The following RABEP1 variants were observed in gnomAD, a reference collection of about 807,000 sequenced individuals.
RABEP1 encodes rab GTPase-binding effector protein 1.
In RABEP1, 51 loss-of-function variants were observed where a neutral mutation model predicts 123.4. The ratio of observed to expected loss-of-function variants is 0.41; its 90% CI spans 0.33 to 0.52. RABEP1 has a LOEUF of 0.52. Among genes scored for constraint, RABEP1 ranks in the 20% least tolerant of loss-of-function variants. The pLI, the probability that RABEP1 is intolerant of heterozygous loss-of-function variation, is 0.16. For missense variants in RABEP1, 888 were observed against 996.3 expected (o/e 0.89, Z 1.46); for synonymous variants, 347 against 355.2 (o/e 0.98, Z 0.26).
intron 17 of RABEP1, among the ~76,000 whole-genome samples, chr17:5,381,955 C>A (rs1017789995): frequency 6.6e-6 from 1 of 152,134 alleles, no homozygotes. Flanking sequence ...TCTTCTAGGT[C>A]CCTGAGCTGG....
At position 5,337,296 on chromosome 17, in the gene RABEP1, G is replaced by A. The variant is rs373987022; in HGVS notation, c.529-723G>A. Among the ~76,000 whole-genome samples the A allele has an allele frequency of 6.6e-5, 10 of 152,224 alleles. No homozygotes were observed. The East Asian group carries it at 9.6e-4, about 15-fold the overall frequency. ...AATTTTCTAACATTTTAGAAAACAC[G>A]TTATTCTATTTTGGGTGTTTAAAAT... is the stretch of plus-strand genomic sequence containing the variant. On this transcript the variant is annotated intron_variant, in intron 4 of 17. Transcript: ENST00000537505.
At chr17:5,355,251 T>C (rs1056215568) in intron 8 of RABEP1, among the ~76,000 whole-genome samples, 1 of 152,252 alleles carries the variant, frequency 6.6e-6, no homozygotes, top group African/African-American at 2.4e-5. Flanking sequence ...ATTTTAGCCA[T>C]GTTGGTCATC....
At position 5,377,291 on chromosome 17, in the gene RABEP1, G is replaced by C. The variant is rs1911068524; in HGVS notation, c.2201G>C (p.Cys734Ser). The C allele has an allele frequency of 1.3e-6, 2 of 1,583,832 alleles. No individual in the cohort carries two copies. Among genetic ancestry groups the C allele is most frequent in the Non-Finnish European group, 1.7e-6 (2 of 1,172,450 alleles). Reference protein sequence around the residue: ...EETLQLEIENCKEEIASISSL... With the variant: ...EETLQLEIENSKEEIASISSL... ...ACTCTGCAACTAGAAATAGAAAACT[G>C]CAAGGAGGAAATAGGTGAAGATAAA... The change falls in exon 14 of 18, where the codon TGC (cysteine) becomes TCC (serine). Residue 734 changes from cysteine (C) to serine (S), a missense_variant. Transcript: ENST00000537505.
At chr17:5,296,345 C>A (rs1232426031) in intron 1 of RABEP1, among the ~76,000 whole-genome samples, 11 of 152,144 alleles carry the variant, frequency 7.2e-5, no homozygotes, top group African/African-American at 2.7e-4. Flanking sequence ...CTCACCACAA[C>A]CTCCGCCTCC....
At chr17:5,362,400 C>T (rs1432426456) in intron 9 of RABEP1, among the ~76,000 whole-genome samples, 1 of 152,176 alleles carries the variant, frequency 6.6e-6, no homozygotes, top group African/African-American at 2.4e-5. Flanking sequence ...ACTCCTGGTG[C>T]TTTCCTTGAC....
Position 5,354,364 on chromosome 17 carries a change from T to G in RABEP1, c.969T>G (p.Asp323Glu). ...TGTTTTTTTCTTCCTTTTAGGAGGATGATGAACAACAAAGACTCAATAAGA... is the reference window on the plus strand; with the variant it reads ...TGTTTTTTTCTTCCTTTTAGGAGGAGGATGAACAACAAAGACTCAATAAGA... The part of the protein sequence containing the change: ...VEELKKKDQE[D>E]DEQQRLNKRK... The change falls in exon 8 of 18, where the codon GAT becomes GAG. Residue 323 changes from aspartate (D) to glutamate (E), a missense_variant. Transcript: ENST00000537505. 6.2e-7 allele frequency: 1 copy of G among 1,609,014 alleles called. No individual in the cohort carries two copies.
intron 14 of RABEP1, among the ~76,000 whole-genome samples, chr17:5,377,520 A>ATTT (rs960634048): frequency 0.072 from 7,199 of 99,512 alleles, 294 homozygotes; most frequent in Middle Eastern, 0.096. Flanking sequence ...TATTTAAAAA[A>ATTT]TTTTTTTTTT....
At chr17:5,366,825 C>T (rs566252100) in intron 11 of RABEP1, among the ~76,000 whole-genome samples, 16 of 151,866 alleles carry the variant, frequency 1.1e-4, no homozygotes, top group Admixed American at 4.6e-4. Context: ...CACGGTGGCT[C>T]ACACCTGTAA....
At chr17:5,372,036 T>C (rs1910563522) in intron 12 of RABEP1, among the ~76,000 whole-genome samples, 1 of 152,104 alleles carries the variant, frequency 6.6e-6, no homozygotes, top group South Asian at 2.1e-4. Flanking sequence ...TTTGTAGAGC[T>C]TTATCTGATA....
rs1368663512 is a variant in RABEP1 at position 5,354,382 on chromosome 17, CAAT to C, written c.990_992del (p.Asn330del). ...AGGAGGATGATGAACAACAAAGACTCAATAAGAGAAAGGATCACAAAAAAGCAG... is the reference window on the plus strand; with the variant it reads ...AGGAGGATGATGAACAACAAAGACTCAAGAGAAAGGATCACAAAAAAGCAG... On this transcript the variant is annotated inframe_deletion, in exon 8 of 18. Transcript: ENST00000537505. 10 of 1,611,972 alleles carry C rather than the reference CAAT, an allele frequency of 6.2e-6. No homozygotes were observed. The African/African-American group carries it at 6.7e-5, about 11-fold the overall frequency.
intron 4 of RABEP1, among the ~76,000 whole-genome samples, chr17:5,337,347 A>G (rs1907190982): frequency 6.6e-6 from 1 of 152,160 alleles, no homozygotes; most frequent in Non-Finnish European, 1.5e-5. Context: ...ATTATTCATA[A>G]GAAATTATTG....
intron 7 of RABEP1, among the ~76,000 whole-genome samples, chr17:5,352,652 G>A (rs565690018): frequency 2.0e-5 from 3 of 151,870 alleles, no homozygotes; most frequent in South Asian, 2.1e-4. Flanking sequence ...TCAACTTGGC[G>A]GAACCCCACC....
At chr17:5,317,120 C>T (rs116183513) in intron 2 of RABEP1, among the ~76,000 whole-genome samples, 3,285 of 152,072 alleles carry the variant, frequency 0.022, 118 homozygotes, top group African/African-American at 0.075. Context: ...TAGTGTTATC[C>T]TGACCTCAAA....
At chr17:5,372,917 C>G (rs1910636193) in intron 12 of RABEP1, among the ~76,000 whole-genome samples, 1 of 152,120 alleles carries the variant, frequency 6.6e-6, no homozygotes, top group South Asian at 2.1e-4. Flanking sequence ...CCCGCTGTAC[C>G]CAGCTAACTT....
rs1911078781 is a variant in RABEP1, at chr17:5,377,370, A to G, written c.2215+65A>G. On this transcript the variant is annotated intron_variant, in intron 14 of 17. Transcript: ENST00000537505. ...AAATAAAACTTTAGTAAAAGAAGCAATACATGGCCATGGAGTCTGGAACAC... is the reference window on the plus strand; with the variant it reads ...AAATAAAACTTTAGTAAAAGAAGCAGTACATGGCCATGGAGTCTGGAACAC... 2.3e-6 allele frequency: 3 copies of G among 1,299,810 alleles called. No individual in the cohort carries two copies. The East Asian group carries it at 7.3e-5, about 32-fold the overall frequency. 80.5% of individuals were successfully genotyped at this position (1,299,810 alleles called of 1,614,324 possible). A position where few individuals can be genotyped will look rare whatever the true frequency, so the allele number is the denominator to read the frequency against.
chr17:5,332,038 A>G lies in RABEP1; in HGVS notation c.253A>G (p.Met85Val). 2 of 1,614,118 alleles carry G rather than the reference A, an allele frequency of 1.2e-6. No individual in the cohort carries two copies. The highest frequency in any genetic ancestry group is 1.7e-6 in the Non-Finnish European group (2 of 1,180,010). ...RTQLWEAQAE[M>V]ENIKAIATVS... is the part of the protein sequence containing the mutation. ...CCAGCTGTGGGAAGCTCAAGCAGAG[A>G]TGGAGAATATTAAGGCGATTGCCAC... Residue 85 changes from methionine (M) to valine (V), a missense_variant, in exon 3 of 18, where the codon ATG becomes GTG. Coordinates refer to ENST00000537505, the MANE Select transcript of RABEP1 (RefSeq NM_004703.6).
At position 5,381,394 on chromosome 17, in the gene RABEP1, C is replaced by G. The variant is rs117554009; in HGVS notation, c.2376C>G (p.Thr792=). The G allele has an allele frequency of 2.5e-6, 4 of 1,609,486 alleles. No individual in the cohort carries two copies. The highest frequency in any genetic ancestry group is 3.4e-6 in the Non-Finnish European group (4 of 1,178,698). ...TCAAAACTTGTATTTTTTAGGCTAC[C>G]GTTGAACAACTAATGTTTGAAGAGA... The part of the protein sequence containing the change: ...QLKKETAAKA[T]VEQLMFEEKN... The change falls in exon 17 of 18, where the codon ACC becomes ACG. Residue 792 remains threonine (T), a synonymous_variant. Transcript: ENST00000537505.
chr17:5,303,184 C>T (rs975671603), intron 1 of RABEP1, among the ~76,000 whole-genome samples: 6 of 152,160 alleles, frequency 3.9e-5, no homozygotes, highest in Non-Finnish European at 7.4e-5. Context: ...TATTACTTCA[C>T]TGAATGAATA....
intron 2 of RABEP1, among the ~76,000 whole-genome samples, chr17:5,317,447 C>G (rs2075309100): frequency 6.6e-6 from 1 of 152,266 alleles, no homozygotes; most frequent in Non-Finnish European, 1.5e-5. Flanking sequence ...CTACAAAAAA[C>G]TTACAGCTAA....
Sources: allele counts gnomAD v4.1 joint callset (sites outside exome capture counted in the v4.1 genomes callset), GRCh38; gene constraint gnomAD v4.1.1; transcripts MANE v1.5; gene names NCBI Gene and HGNC (gene_info 2026-07-23, HGNC 2026-07-21).